CSPP1: variants seen among roughly 807,000 people sequenced by gnomAD.
CSPP1 encodes centrosome and spindle pole-associated protein 1.
In CSPP1, 126 loss-of-function variants were observed where a neutral mutation model predicts 164.4. That is an observed-to-expected ratio of 0.77 (90% CI 0.66 to 0.89). The LOEUF is 0.89. Ranked by LOEUF, CSPP1 falls within the 40% of genes least tolerant of loss-of-function variation. CSPP1 has a pLI of 0.00. For missense variants in CSPP1, 1,395 were observed against 1,449.8 expected (o/e 0.96, Z 0.61); for synonymous variants, 472 against 476.7 (o/e 0.99, Z 0.13).
intron 9 of CSPP1, among the ~76,000 whole-genome samples, chr8:67,106,848 ATAT>A (rs1380584793): frequency 3.9e-5 from 6 of 152,328 alleles, no homozygotes; most frequent in Admixed American, 1.3e-4. Context: ...GTTTAGAGAC[ATAT>A]TATTGCATTA....
At chr8:67,069,040 C>T (rs6990298) in intron 1 of CSPP1, 19,410 of 152,208 alleles carry the variant, frequency 0.13, 2,459 homozygotes, top group African/African-American at 0.33. Context: ...TCCACTTCCT[C>T]AAATTAAGCC....
intron 13 of CSPP1, 64 bp downstream of exon 13, chr8:67,116,186 A>G: frequency 8.8e-7 from 1 of 1,138,376 alleles, no homozygotes; most frequent in Non-Finnish European, 1.3e-6. Context: ...TATGTTTAGA[A>G]GGATATACTG....
chr8:67,082,056 T>C (rs1809304756), intron 3 of CSPP1, among the ~76,000 whole-genome samples: 1 of 152,158 alleles, frequency 6.6e-6, no homozygotes, highest in Non-Finnish European at 1.5e-5. Flanking sequence ...TAGTTTTAAT[T>C]ATTTGTTTTG....
At chr8:67,167,774 G>T (rs564353402) in intron 24 of CSPP1, among the ~76,000 whole-genome samples, 1 of 151,670 alleles carries the variant, frequency 6.6e-6, no homozygotes, top group Non-Finnish European at 1.5e-5. Flanking sequence ...CTTCCTAAAC[G>T]GGATGGCGGC....
chr8:67,122,268 C>T (rs769728595), intron 15 of CSPP1, among the ~76,000 whole-genome samples: 2 of 151,228 alleles, frequency 1.3e-5, no homozygotes, highest in African/African-American at 4.9e-5. Flanking sequence ...CTCCCTTCTG[C>T]TTACTTTGGG....
intron 1 of CSPP1, among the ~76,000 whole-genome samples, chr8:67,072,285 C>T (rs1297103911): frequency 6.8e-6 from 1 of 146,402 alleles, no homozygotes; most frequent in Non-Finnish European, 1.5e-5. Context: ...AAGACTCTGT[C>T]TCAAAAAAAA....
rs1212931928 is a variant in CSPP1, at chr8:67,195,376, C to T, written c.3470-6C>T. The T allele has an allele frequency of 2.5e-6, 4 of 1,610,022 alleles. No homozygotes were observed. Among genetic ancestry groups the T allele is most frequent in the East Asian group, 4.5e-5 (2 of 44,870 alleles). ...ACCTGAGCCACGTGTCCCTTGCCTC[C>T]TGTAGATGATGAGAGTTCACTGGTT... On this transcript the variant is annotated splice_region_variant and splice_polypyrimidine_tract_variant and intron_variant, in intron 30 of 30. Transcript: ENST00000678616.
intron 21 of CSPP1, among the ~76,000 whole-genome samples, chr8:67,159,919 T>TCTTTCTTTCCTTTC (rs1563712547): frequency 3.4e-5 from 2 of 59,360 alleles, no homozygotes; most frequent in East Asian, 4.7e-4. Flanking sequence ...TTTCTTTCTT[T>TCTTTCTTTCCTTTC]CTTTCCTTTC....
At chr8:67,177,792 G>A in intron 27 of CSPP1, 66 bp downstream of exon 27, 1 of 1,078,164 alleles carries the variant, frequency 9.3e-7, no homozygotes, top group Non-Finnish European at 1.4e-6. Context: ...GGCATATGAT[G>A]ATCAAGTAAT....
chr8:67,179,722 T>G, intron 27 of CSPP1, 141 bp from the exon 28 acceptor site: 1 of 589,384 alleles, frequency 1.7e-6, no homozygotes, highest in Non-Finnish European at 3.0e-6. Context: ...TTCTGAGCAT[T>G]GGAATGTAGT....
chr8:67,121,823 A>G (rs931252484), intron 15 of CSPP1, among the ~76,000 whole-genome samples: 32 of 152,116 alleles, frequency 2.1e-4, no homozygotes, highest in Non-Finnish European at 1.5e-5. Flanking sequence ...TTAGAGATTC[A>G]GTCTCTTTAG....
In CSPP1 at chr8:67,072,854, C is replaced by G. The variant is rs550751530; in HGVS notation, c.-10-1389C>G. On this transcript the variant is annotated intron_variant, in intron 1 of 30. Coordinates refer to ENST00000678616, the MANE Select transcript of CSPP1 (RefSeq NM_001382391.1). ...CTGTACTCTCTAGCCTGTGAAACAA[C>G]GAGAGAGCCTGTCTCAAAAAAAAAA... Among the ~76,000 whole-genome samples the G allele has an allele frequency of 2.6e-5, 3 of 113,958 alleles. No homozygotes were observed. In the East Asian group the frequency reaches 7.3e-4, roughly 28 times the overall value. The allele number at this position is 113,958 out of a possible 152,430, so 74.8% of individuals were successfully genotyped here. A position where few individuals can be genotyped will look rare whatever the true frequency, so the allele number is the denominator to read the frequency against.
chr8:67,194,123 A>C (rs1377625052), intron 30 of CSPP1, among the ~76,000 whole-genome samples: 3 of 152,318 alleles, frequency 2.0e-5, no homozygotes, highest in Non-Finnish European at 4.4e-5. Flanking sequence ...CATAGAGCAC[A>C]AGGCAGGATG....
At chr8:67,134,696 A>G (rs1821896685) in intron 16 of CSPP1, among the ~76,000 whole-genome samples, 1 of 151,366 alleles carries the variant, frequency 6.6e-6, no homozygotes, top group Non-Finnish European at 1.5e-5. Flanking sequence ...AATAGCTGGG[A>G]CTATAGGCGC....
At chr8:67,103,523 G>T (rs2129547192) in intron 8 of CSPP1, among the ~76,000 whole-genome samples, 1 of 152,082 alleles carries the variant, frequency 6.6e-6, no homozygotes, top group Non-Finnish European at 1.5e-5. Context: ...GGCCGGGCCT[G>T]GTGGCTCATG....
chr8:67,114,970 T>G (rs1041518267), intron 12 of CSPP1: 1 of 152,236 alleles, frequency 6.6e-6, no homozygotes, highest in Non-Finnish European at 1.5e-5. Context: ...TGTTCTAAAG[T>G]AGAGATTAGC....
chr8:67,182,984 C>T (rs1429860519), intron 28 of CSPP1, among the ~76,000 whole-genome samples: 1 of 152,148 alleles, frequency 6.6e-6, no homozygotes, highest in African/African-American at 2.4e-5. Context: ...AATTTTGATA[C>T]AGTCCAATTT....
intron 17 of CSPP1, among the ~76,000 whole-genome samples, chr8:67,140,641 T>G (rs1244310307): frequency 6.6e-6 from 1 of 152,236 alleles, no homozygotes; most frequent in Admixed American, 6.5e-5. Context: ...CTACAGGTAT[T>G]AAAGTGAAGG....
At chr8:67,194,699 A>AAAG (rs201810184) in intron 30 of CSPP1, among the ~76,000 whole-genome samples, 7,514 of 151,904 alleles carry the variant, frequency 0.049, 244 homozygotes, top group Non-Finnish European at 0.072. Context: ...AAAAAAAAAA[A>AAAG]AAGAATATGA....
Sources: allele counts gnomAD v4.1 joint callset (sites outside exome capture counted in the v4.1 genomes callset), GRCh38; gene constraint gnomAD v4.1.1; transcripts MANE v1.5; gene names NCBI Gene and HGNC (gene_info 2026-07-23, HGNC 2026-07-21).